DIP2C: variants seen among roughly 807,000 people sequenced by gnomAD.
The protein encoded by DIP2C is disco-interacting protein 2 homolog C.
Under a neutral mutation model 192.4 loss-of-function variants are expected in DIP2C, and 33 were observed. That is an observed-to-expected ratio of 0.17 (90% confidence interval 0.13 to 0.23). The LOEUF (loss-of-function observed/expected upper bound fraction) is 0.23, where lower values mean the gene tolerates loss of function less well. DIP2C is among the 10% of genes least tolerant of loss of function. The pLI, the probability that DIP2C is intolerant of heterozygous loss-of-function variation, is 1.00. For synonymous variants in DIP2C, 979 were observed against 864.1 expected, an observed-to-expected ratio of 1.13 and a Z score of -2.33; for missense variants, 1,537 against 2,110.1, an observed-to-expected ratio of 0.73 and a Z score of 5.32.
chr10:445,940 G>A (rs772496540), intron 3 of DIP2C, among the ~76,000 whole-genome samples: 6 of 151,452 alleles, frequency 4.0e-5, no homozygotes, highest in Admixed American at 6.6e-5. Context: ...CAGGCCCACT[G>A]GGCGTCTGTA....
chr10:482,658 G>A (rs965789290), intron 2 of DIP2C, among the ~76,000 whole-genome samples: 1 of 152,218 alleles, frequency 6.6e-6, no homozygotes, highest in Non-Finnish European at 1.5e-5. Context: ...AGAAAGAGGA[G>A]CTGTATCTGA....
chr10:305,256 CAT>C (rs1034282621), intron 32 of DIP2C, among the ~76,000 whole-genome samples: 3 of 152,192 alleles, frequency 2.0e-5, no homozygotes, highest in Non-Finnish European at 2.9e-5. Flanking sequence ...TGTACAAACT[CAT>C]ATTCACATGT....
chr10:446,259 TCA>T (rs1968199601), intron 3 of DIP2C, among the ~76,000 whole-genome samples: 1 of 152,160 alleles, frequency 6.6e-6, no homozygotes, highest in East Asian at 1.9e-4. Flanking sequence ...TATACACCTG[TCA>T]TGAAGAGTCT....
intron 1 of DIP2C, among the ~76,000 whole-genome samples, chr10:688,288 C>T (rs1831405129): frequency 1.3e-5 from 2 of 152,160 alleles, no homozygotes; most frequent in Admixed American, 6.5e-5. Context: ...ACACACCTCG[C>T]GGAACCCCAC....
chr10:541,990 T>C (rs372993848), intron 1 of DIP2C, among the ~76,000 whole-genome samples: 32 of 152,320 alleles, frequency 2.1e-4, no homozygotes, highest in African/African-American at 5.8e-4. Flanking sequence ...GACACGCCCC[T>C]GGGGACTCCC....
intron 1 of DIP2C, among the ~76,000 whole-genome samples, chr10:584,333 T>C (rs1203463878): frequency 6.6e-6 from 1 of 152,196 alleles, no homozygotes; most frequent in African/African-American, 2.4e-5. Context: ...ACCAAGCATC[T>C]GTGTTTTTAG....
At chr10:464,979 T>TC (rs757091938) in intron 3 of DIP2C, among the ~76,000 whole-genome samples, 55 of 151,316 alleles carry the variant, frequency 3.6e-4, no homozygotes, top group Admixed American at 9.2e-4. Context: ...CTGGTACCAT[T>TC]CCTTCTCAAA....
chr10:538,563 G>A (rs928593582), intron 1 of DIP2C, among the ~76,000 whole-genome samples: 1 of 152,154 alleles, frequency 6.6e-6, no homozygotes, highest in African/African-American at 2.4e-5. Flanking sequence ...GGGTCTCAAC[G>A]TGGAAATGAT....
Position 306,185 on chromosome 10 carries a change from A to ATCTG in DIP2C, c.3986+3842_3986+3845dup, listed in dbSNP as rs200995153. On this transcript the variant is annotated intron_variant, in intron 32 of 36. Transcript: ENST00000280886. Reference sequence around the variant, plus strand: ...TCCTTCCTGCACATGTGGGACTGTAATCTGTTCCAGAAGCAGGGAGAGTGT... The same window carrying ATCTG: ...TCCTTCCTGCACATGTGGGACTGTAATCTGTCTGTTCCAGAAGCAGGGAGAGTGT... Among the ~76,000 whole-genome samples, 1,400 of 152,070 alleles carry ATCTG rather than the reference A, an allele frequency of 9.2e-3. 12 individuals carry two copies. The highest frequency in any genetic ancestry group is 0.015 in the Non-Finnish European group (1,025 of 67,978).
At chr10:464,397 CTCA>C (rs893728882) in intron 3 of DIP2C, among the ~76,000 whole-genome samples, 3 of 151,724 alleles carry the variant, frequency 2.0e-5, no homozygotes, top group African/African-American at 7.3e-5. Context: ...AAAAAAAAAG[CTCA>C]TCATCACTGG....
intron 1 of DIP2C, among the ~76,000 whole-genome samples, chr10:591,073 A>C (rs902610487): frequency 2.2e-4 from 32 of 147,140 alleles, no homozygotes; most frequent in African/African-American, 7.3e-4. Flanking sequence ...AAAATGAAAG[A>C]AGCCGCCACC....
At chr10:641,002 G>A (rs907203473) in intron 1 of DIP2C, among the ~76,000 whole-genome samples, 1 of 152,156 alleles carries the variant, frequency 6.6e-6, no homozygotes, top group Admixed American at 6.5e-5. Context: ...GTGATGCTAC[G>A]TAATAATCAA....
intron 1 of DIP2C, among the ~76,000 whole-genome samples, chr10:656,803 G>C (rs1170235089): frequency 1.3e-5 from 2 of 152,186 alleles, no homozygotes; most frequent in East Asian, 3.8e-4. Flanking sequence ...TTCCAGAACT[G>C]AGACAGGTAC....
chr10:389,353 A>T (rs1963269716), intron 13 of DIP2C, among the ~76,000 whole-genome samples: 1 of 151,928 alleles, frequency 6.6e-6, no homozygotes, highest in Admixed American at 6.5e-5. Flanking sequence ...TCTCTGTGCC[A>T]TTTCAGTGTG....
At chr10:493,466 G>T (rs1844596468) in intron 1 of DIP2C, among the ~76,000 whole-genome samples, 2 of 152,160 alleles carry the variant, frequency 1.3e-5, no homozygotes, top group African/African-American at 4.8e-5. Flanking sequence ...GCGAGAAGGG[G>T]CAAGGTAGGG....
At chr10:474,075 T>TAC (rs1444891753) in intron 2 of DIP2C, among the ~76,000 whole-genome samples, 1 of 152,272 alleles carries the variant, frequency 6.6e-6, no homozygotes, top group Non-Finnish European at 1.5e-5. Flanking sequence ...AGTCATCATC[T>TAC]ACAACTGATC....
chr10:396,826 TGGGG>T (rs57932225), intron 10 of DIP2C, among the ~76,000 whole-genome samples: 11 of 41,204 alleles, frequency 2.7e-4, no homozygotes, highest in Non-Finnish European at 5.3e-4. Context: ...GCAAATCCGG[TGGGG>T]GGGGGGGAAA....
intron 1 of DIP2C, chr10:665,374 C>T (rs1447454121): frequency 6.6e-6 from 1 of 151,704 alleles, no homozygotes; most frequent in African/African-American, 2.4e-5. Context: ...AAAAGAAAAA[C>T]GGGGGATAGG....
Position 650,527 on chromosome 10 carries a change from C to G in DIP2C, c.85+38967G>C, listed in dbSNP as rs1370433783. 14 of 673,488 alleles carry G rather than the reference C, an allele frequency of 2.1e-5. No homozygotes were observed. In the Admixed American group the frequency reaches 3.0e-4, roughly 14 times the overall value. The allele number at this position is 673,488 out of a possible 1,614,324, so 41.7% of individuals were successfully genotyped here. ...TACTCTTCCCCTGCCCCAGCTGGTC[C>G]CCCCATGACAGCCGTGTCCCTGAGA... On this transcript the variant is annotated intron_variant, in intron 1 of 36. Coordinates refer to ENST00000280886, the MANE Select transcript of DIP2C (RefSeq NM_014974.3).
Sources: allele counts gnomAD v4.1 joint callset (sites outside exome capture counted in the v4.1 genomes callset), GRCh38; gene constraint gnomAD v4.1.1; transcripts MANE v1.5; gene names NCBI Gene and HGNC (gene_info 2026-07-23, HGNC 2026-07-21).